Variants in DCC observed in about 807,000 individuals in gnomAD.
DCC encodes DCC netrin 1 receptor.
Under a neutral mutation model 172.5 loss-of-function variants are expected in DCC, and 58 were observed. That is an observed-to-expected ratio of 0.34 (90% CI 0.27 to 0.42). The LOEUF (loss-of-function observed/expected upper bound fraction) is 0.42. Ranked by LOEUF, DCC falls within the 10% of genes least tolerant of loss-of-function variation. The pLI, the probability that DCC is intolerant of heterozygous loss-of-function variation, is 1.00. For synonymous variants in DCC, 709 were observed against 644.5 expected (o/e 1.10, Z -1.52); for missense variants, 1,740 against 1,791.0 (o/e 0.97, Z 0.51).
intron 1 of DCC, among the ~76,000 whole-genome samples, chr18:52,379,471 CTGT>C (rs1191515652): frequency 6.6e-6 from 1 of 152,104 alleles, no homozygotes; most frequent in African/African-American, 2.4e-5. Context: ...TTAATTTGTT[CTGT>C]TGTTCAACAC....
At chr18:53,276,436 G>A (rs1031521137) in intron 12 of DCC, among the ~76,000 whole-genome samples, 7 of 152,052 alleles carry the variant, frequency 4.6e-5, no homozygotes, top group Admixed American at 6.6e-5. Flanking sequence ...TCTTTAGATT[G>A]GAGTCAATAA....
intron 7 of DCC, among the ~76,000 whole-genome samples, chr18:53,104,009 A>T (rs939682009): frequency 6.6e-6 from 1 of 152,018 alleles, no homozygotes; most frequent in Non-Finnish European, 1.5e-5. Context: ...TAACACAATA[A>T]TTTTTAAAAA....
intron 1 of DCC, among the ~76,000 whole-genome samples, chr18:52,349,499 G>T (rs1457920527): frequency 6.6e-6 from 1 of 152,174 alleles, no homozygotes; most frequent in Non-Finnish European, 1.5e-5. Context: ...TTCCCTGCAG[G>T]ACAATTTCTG....
chr18:53,244,504 G>C lies in DCC; in HGVS notation c.1911+28907G>C, dbSNP rs533366530. 8.5e-4 allele frequency among the ~76,000 whole-genome samples: 129 copies of C among 152,200 alleles called. 1 individual carries two copies. The highest frequency in any genetic ancestry group is 1.2e-3 in the Non-Finnish European group (80 of 68,006). ...TGTGTTGACTGGGTTCAGCTGTGTG[G>C]TTCTTCTGCTTTATGTGACATAAGC... On this transcript the variant is annotated intron_variant, in intron 12 of 28. Transcript: ENST00000442544.
intron 12 of DCC, among the ~76,000 whole-genome samples, chr18:53,260,037 A>G (rs1162175296): frequency 4.6e-5 from 7 of 152,058 alleles, no homozygotes; most frequent in Non-Finnish European, 8.8e-5. Flanking sequence ...TTCTCGTGCC[A>G]TGGTTTTCAG....
chr18:52,915,614 G>A (rs2040029002), intron 3 of DCC, among the ~76,000 whole-genome samples: 1 of 152,054 alleles, frequency 6.6e-6, no homozygotes, highest in African/African-American at 2.4e-5. Context: ...GTAAATAAAT[G>A]TGTCAGGTTA....
intron 14 of DCC, among the ~76,000 whole-genome samples, chr18:53,338,427 C>T (rs938157302): frequency 6.6e-6 from 1 of 152,106 alleles, no homozygotes. Context: ...GATGGTGAAA[C>T]CCCGTCTCTA....
At chr18:53,089,116 C>CGG (rs1246509117) in intron 7 of DCC, among the ~76,000 whole-genome samples, 13 of 152,120 alleles carry the variant, frequency 8.5e-5, no homozygotes, top group Non-Finnish European at 1.2e-4. Flanking sequence ...GACAGAGTCT[C>CGG]GCTCTGCCTC....
intron 7 of DCC, among the ~76,000 whole-genome samples, chr18:53,070,349 C>A (rs895547902): frequency 1.3e-5 from 2 of 152,104 alleles, no homozygotes; most frequent in Non-Finnish European, 2.9e-5. Context: ...AGGATGGACC[C>A]AAGTTACAAT....
In DCC at chr18:53,092,135, G is replaced by A. The variant is rs935718276; in HGVS notation, c.1261+25969G>A. 4.6e-5 allele frequency among the ~76,000 whole-genome samples: 7 copies of A among 152,090 alleles called. No homozygotes were observed. In the East Asian group the frequency reaches 1.2e-3, roughly 25 times the overall value. On this transcript the variant is annotated intron_variant, in intron 7 of 28. Transcript: ENST00000442544. ...TTCGTCACATAAATTGACTTCTTAG[G>A]CTTCAAAATTTGGAGAGTTTTAATG...
intron 15 of DCC, among the ~76,000 whole-genome samples, chr18:53,361,371 T>G (rs1184267753): frequency 1.3e-5 from 2 of 152,168 alleles, no homozygotes; most frequent in Non-Finnish European, 2.9e-5. Context: ...CTAAACATTG[T>G]TTTTTAATTT....
chr18:52,933,726 T>C (rs2040342458), intron 5 of DCC, among the ~76,000 whole-genome samples: 1 of 152,094 alleles, frequency 6.6e-6, no homozygotes, highest in African/African-American at 2.4e-5. Context: ...TCCTTCATTA[T>C]TTTCTTCATA....
intron 1 of DCC, among the ~76,000 whole-genome samples, chr18:52,514,189 A>G (rs62081330): frequency 0.043 from 6,483 of 152,276 alleles, 179 homozygotes; most frequent in Non-Finnish European, 0.063. Flanking sequence ...TATAGTGTAT[A>G]TGCGTACACA....
chr18:52,784,925 G>A (rs985232234), intron 2 of DCC, among the ~76,000 whole-genome samples: 1 of 138,006 alleles, frequency 7.2e-6, no homozygotes, highest in Non-Finnish European at 1.5e-5. Context: ...AGAGAGAGAA[G>A]AGAAGGGGGG....
intron 1 of DCC, among the ~76,000 whole-genome samples, chr18:52,549,383 A>G (rs2032701178): frequency 1.3e-5 from 2 of 151,972 alleles, no homozygotes. Context: ...CTATTCTCTT[A>G]TCCCCATTTG....
At chr18:52,527,014 G>A (rs2032003706) in intron 1 of DCC, among the ~76,000 whole-genome samples, 1 of 152,164 alleles carries the variant, frequency 6.6e-6, no homozygotes, top group South Asian at 2.1e-4. Context: ...TGAGCAAAAA[G>A]AAAGCTCAAT....
intron 5 of DCC, among the ~76,000 whole-genome samples, chr18:53,038,006 C>T (rs1308814022): frequency 1.3e-5 from 2 of 151,906 alleles, no homozygotes; most frequent in African/African-American, 2.4e-5. Context: ...AGATCTCACC[C>T]TAGAGATGGA....
chr18:52,539,701 A>G (rs746911670), intron 1 of DCC, among the ~76,000 whole-genome samples: 23 of 152,224 alleles, frequency 1.5e-4, no homozygotes, highest in Admixed American at 9.2e-4. Context: ...GCTGTATTAT[A>G]CAACATAATG....
intron 1 of DCC, among the ~76,000 whole-genome samples, chr18:52,408,278 G>GT (rs1165762771): frequency 6.6e-6 from 1 of 151,348 alleles, no homozygotes; most frequent in Non-Finnish European, 1.5e-5. Flanking sequence ...TTCAACACCA[G>GT]TTTTTTATAT....
Sources: allele counts gnomAD v4.1 joint callset (sites outside exome capture counted in the v4.1 genomes callset), GRCh38; gene constraint gnomAD v4.1.1; transcripts MANE v1.5; gene names NCBI Gene and HGNC (gene_info 2026-07-23, HGNC 2026-07-21).